Variants in PLCH1 observed in about 807,000 individuals in gnomAD.
PLCH1 encodes the protein 1-phosphatidylinositol 4,5-bisphosphate phosphodiesterase eta-1.
PLCH1 carries 60 observed loss-of-function variants against 126.7 expected under a neutral mutation model. The ratio of observed to expected loss-of-function variants is 0.47; its 90% confidence interval spans 0.38 to 0.59. The LOEUF is 0.59. Among genes scored for constraint, PLCH1 ranks in the 20% least tolerant of loss-of-function variants. The pLI is 0.00. For synonymous variants in PLCH1, 719 were observed against 734.9 expected (o/e 0.98, Z 0.35); for missense variants, 1,723 against 2,040.0 (o/e 0.84, Z 2.99).
chr3:155,498,527 C>T (rs1282425643), intron 14 of PLCH1, among the ~76,000 whole-genome samples: 2 of 152,172 alleles, frequency 1.3e-5, no homozygotes, highest in African/African-American at 4.8e-5. Context: ...TAGGGAGTAA[C>T]ACCAGAGTTC....
intron 2 of PLCH1, among the ~76,000 whole-genome samples, chr3:155,696,996 T>G (rs1577334621): frequency 6.6e-6 from 1 of 152,208 alleles, no homozygotes; most frequent in Non-Finnish European, 1.5e-5. Context: ...AGATCTCCAA[T>G]TTGCCATTTA....
At chr3:155,671,951 TATA>T (rs1275716196) in intron 2 of PLCH1, among the ~76,000 whole-genome samples, 1 of 152,224 alleles carries the variant, frequency 6.6e-6, no homozygotes, top group Non-Finnish European at 1.5e-5. Flanking sequence ...TTAATAGTTC[TATA>T]ATATTGTGTT....
intron 2 of PLCH1, among the ~76,000 whole-genome samples, chr3:155,685,335 G>A (rs1412262291): frequency 6.6e-6 from 1 of 152,176 alleles, no homozygotes; most frequent in Admixed American, 6.5e-5. Flanking sequence ...AGCTACTAAT[G>A]GACAGTTCCC....
chr3:155,556,705 C>A (rs1317154403), intron 8 of PLCH1, among the ~76,000 whole-genome samples: 5 of 152,162 alleles, frequency 3.3e-5, no homozygotes, highest in Non-Finnish European at 1.5e-5. Flanking sequence ...CAGCTGAGAG[C>A]CTTAAGAGCA....
intron 2 of PLCH1, among the ~76,000 whole-genome samples, chr3:155,644,696 A>C (rs1310555320): frequency 6.6e-6 from 1 of 152,218 alleles, no homozygotes; most frequent in Non-Finnish European, 1.5e-5. Flanking sequence ...GAAGGATAAG[A>C]ATTTCCAAGA....
Position 155,718,673 on chromosome 3 carries a change from C to T in PLCH1, c.-40-14409G>A, listed in dbSNP as rs1747707056. 2.6e-5 allele frequency among the ~76,000 whole-genome samples: 4 copies of T among 152,122 alleles called. No homozygotes were observed. In the South Asian group the frequency reaches 8.3e-4, roughly 32 times the overall value. On this transcript the variant is annotated intron_variant, in intron 1 of 22. Coordinates refer to ENST00000460012, the MANE Select transcript of PLCH1 (RefSeq NM_014996.4). ...TGCGGGGGGGAGGTGCCACAATTTA[C>T]AACAACCAGATCTTTCGAGATGTCA...
chr3:155,573,524 C>A (rs971313167), intron 6 of PLCH1, among the ~76,000 whole-genome samples: 2 of 152,164 alleles, frequency 1.3e-5, no homozygotes, highest in African/African-American at 4.8e-5. Context: ...GATGGCCTCA[C>A]CCACATGTCT....
intron 2 of PLCH1, among the ~76,000 whole-genome samples, chr3:155,611,231 A>G (rs1369240231): frequency 6.6e-6 from 1 of 152,072 alleles, no homozygotes; most frequent in Admixed American, 6.5e-5. Flanking sequence ...TCTATTAAAA[A>G]TACAAAAATT....
chr3:155,621,377 C>G (rs1577164579), intron 2 of PLCH1, among the ~76,000 whole-genome samples: 1 of 152,124 alleles, frequency 6.6e-6, no homozygotes, highest in Non-Finnish European at 1.5e-5. Context: ...CAACTCCTCA[C>G]CAGCAAGGGA....
At chr3:155,568,467 G>T in intron 6 of PLCH1, 143 bp from the exon 7 acceptor site, 1 of 444,052 alleles carries the variant, frequency 2.3e-6, no homozygotes, top group South Asian at 6.4e-5. Context: ...TAGTGTCACA[G>T]CTATTTTATC....
chr3:155,657,159 G>A (rs939270876), intron 2 of PLCH1, among the ~76,000 whole-genome samples: 1 of 151,724 alleles, frequency 6.6e-6, no homozygotes, highest in Non-Finnish European at 1.5e-5. Context: ...CAACCAAGAT[G>A]AGTAACCCAC....
chr3:155,514,802 T>C lies in PLCH1; in HGVS notation c.1553A>G (p.Asp518Gly). 5 of 1,613,546 alleles carry C rather than the reference T, an allele frequency of 3.1e-6. No homozygotes were observed. The highest frequency in any genetic ancestry group is 4.2e-6 in the Non-Finnish European group (5 of 1,179,520). ...TGTGAAACTATCAGGATCTTCTTTA[T>C]CTCGAATTTGAGATTCTTTTAACAG... ...ESLLKESQIR[D>G]KEDPDSFTVR... The change falls in exon 12 of 23, where the codon GAT becomes GGT. Residue 518 changes from aspartate to glycine, a missense_variant. Coordinates refer to ENST00000460012, the MANE Select transcript of PLCH1 (RefSeq NM_014996.4).
intron 7 of PLCH1, among the ~76,000 whole-genome samples, chr3:155,566,786 A>G (rs1728596335): frequency 6.6e-6 from 1 of 152,188 alleles, no homozygotes; most frequent in Non-Finnish European, 1.5e-5. Flanking sequence ...TAATATAACA[A>G]ATAAATACAT....
downstream of PLCH1, among the ~76,000 whole-genome samples, chr3:155,476,326 AG>A (rs1429225657): frequency 6.6e-6 from 1 of 152,166 alleles, no homozygotes; most frequent in East Asian, 1.9e-4. Context: ...ACAGACCCAC[AG>A]CTAGTATCAT....
At chr3:155,715,606 C>CTTTTTTT (rs763813354) in intron 1 of PLCH1, among the ~76,000 whole-genome samples, 1 of 122,762 alleles carries the variant, frequency 8.1e-6, no homozygotes, top group Non-Finnish European at 1.7e-5. Flanking sequence ...CATCTGGCCT[C>CTTTTTTT]TTTTTTTTTT....
chr3:155,466,923 A>G (rs1712948974), intron 21 of PLCH1, among the ~76,000 whole-genome samples: 1 of 152,212 alleles, frequency 6.6e-6, no homozygotes, highest in South Asian at 2.1e-4. Context: ...GAGTTTGAAG[A>G]CAGGCTATTT....
intron 1 of PLCH1, among the ~76,000 whole-genome samples, chr3:155,715,957 CAACGTT>C (rs1317691925): frequency 1.3e-5 from 2 of 152,104 alleles, no homozygotes; most frequent in East Asian, 3.8e-4. Flanking sequence ...CTTCTAATTT[CAACGTT>C]TAACTGTTTT....
At chr3:155,464,059 C>G (rs1712836866) in intron 21 of PLCH1, among the ~76,000 whole-genome samples, 1 of 152,128 alleles carries the variant, frequency 6.6e-6, no homozygotes, top group East Asian at 1.9e-4. Flanking sequence ...GTGAAGAGAT[C>G]CCTACAATGA....
intron 11 of PLCH1, among the ~76,000 whole-genome samples, chr3:155,522,633 G>A (rs929307639): frequency 1.3e-5 from 2 of 151,662 alleles, no homozygotes; most frequent in Admixed American, 1.3e-4. Context: ...ATCTGAGAGT[G>A]GACTGTTGTT....
Sources: allele counts gnomAD v4.1 joint callset (sites outside exome capture counted in the v4.1 genomes callset), GRCh38; gene constraint gnomAD v4.1.1; transcripts MANE v1.5; gene names NCBI Gene and HGNC (gene_info 2026-07-23, HGNC 2026-07-21).